Variants in HMCN2 observed in about 807,000 individuals in gnomAD.
The protein encoded by HMCN2 is hemicentin 2.
A neutral mutation model predicts 377.5 loss-of-function variants in HMCN2; 325 were observed. That is an observed-to-expected ratio of 0.86 (90% CI 0.79 to 0.94). The LOEUF is 0.94. Among genes scored for constraint, HMCN2 ranks in the 40% least tolerant of loss-of-function variants. The pLI, the probability that HMCN2 is intolerant of heterozygous loss-of-function variation, is 0.00. For missense variants in HMCN2, 4,543 were observed against 4,725.3 expected (o/e 0.96, Z 1.13); for synonymous variants, 2,007 against 2,046.8 (o/e 0.98, Z 0.53).
At position 130,382,164 on chromosome 9, in the gene HMCN2, T is replaced by C. The variant is rs550404921; in HGVS notation, c.8432-20T>C. The C allele has an allele frequency of 5.6e-5, 55 of 980,574 alleles. No homozygotes were observed. The South Asian group carries it at 2.0e-3, about 36-fold the overall frequency. 60.7% of individuals were successfully genotyped at this position (980,574 alleles called of 1,614,324 possible). ...TGACTCTCGTGCCTGAGCCCAGGCC[T>C]CTGTCCCGTGTCCCTGCAGGAGGCC... On this transcript the variant is annotated intron_variant, in intron 54 of 97. Transcript: ENST00000683500.
In HMCN2 at chr9:130,403,342, G is replaced by T; in HGVS notation, c.12013+14G>T. On this transcript the variant is annotated intron_variant, in intron 79 of 97. Coordinates refer to ENST00000683500, the MANE Select transcript of HMCN2 (RefSeq NM_001291815.2). Reference sequence around the variant, plus strand: ...ACGTCGCTACTGGTGAGGGCCCCTGGCAGCCAGCCTGGGAAGGGAAGAGAA... The same window carrying T: ...ACGTCGCTACTGGTGAGGGCCCCTGTCAGCCAGCCTGGGAAGGGAAGAGAA... 1 of 1,289,736 alleles carries T rather than the reference G, an allele frequency of 7.8e-7. No homozygotes were observed. Among genetic ancestry groups the T allele is most frequent in the Non-Finnish European group, 1.0e-6 (1 of 988,784 alleles). 79.9% of individuals were successfully genotyped at this position (1,289,736 alleles called of 1,614,324 possible).
At chr9:130,322,335 T>TATCC (rs1564783657) in intron 19 of HMCN2, among the ~76,000 whole-genome samples, 1 of 48,824 alleles carries the variant, frequency 2.0e-5, no homozygotes, top group Non-Finnish European at 6.3e-5. Context: ...TCTATCTATC[T>TATCC]ATCTATCCAT....
At chr9:130,349,506 T>C in intron 28 of HMCN2, 31 bp from the exon 29 acceptor site, 1 of 1,300,006 alleles carries the variant, frequency 7.7e-7, no homozygotes, top group Non-Finnish European at 1.0e-6. Flanking sequence ...GTTTGAACAG[T>C]TTCCCACCCC....
rs1336831873 is a variant in HMCN2, at chr9:130,284,605, A to T, written c.262A>T (p.Ile88Phe). The change falls in exon 2 of 98, where the codon ATT becomes TTT. Residue 88 changes from isoleucine (I) to phenylalanine (F), a missense_variant and splice_region_variant. Coordinates refer to ENST00000683500, the MANE Select transcript of HMCN2 (RefSeq NM_001291815.2). ...GCGTCCCTCTCTCTTCTCCACAGAT[A>T]TTGGCCCAGTGACCCTCACGGCGGA... ...YALVPFHDPDIGPVTLTADPT... is the reference protein window; with the variant it reads ...YALVPFHDPDFGPVTLTADPT... The T allele has an allele frequency of 4.2e-6, 2 of 471,052 alleles. No homozygotes were observed. The highest frequency in any genetic ancestry group is 4.0e-5 in the African/African-American group (2 of 50,050). The allele number at this position is 471,052 out of a possible 1,614,324, so 29.2% of individuals were successfully genotyped here.
intron 14 of HMCN2, 33 bp downstream of exon 14, chr9:130,307,599 G>A (rs1032077546): frequency 2.1e-4 from 98 of 471,082 alleles, no homozygotes; most frequent in African/African-American, 1.8e-3. Flanking sequence ...TGAAGGAACA[G>A]CTTTCCAGAA....
At chr9:130,415,334 G>A (rs10901320) in intron 85 of HMCN2, among the ~76,000 whole-genome samples, 57,992 of 152,108 alleles carry the variant, frequency 0.38, 11,447 homozygotes, top group Middle Eastern at 0.49. Context: ...GAGTCATCTG[G>A]TAAGGATTTC....
At chr9:130,283,343 G>T (rs1377079468) in intron 1 of HMCN2, among the ~76,000 whole-genome samples, 1 of 151,898 alleles carries the variant, frequency 6.6e-6, no homozygotes, top group Non-Finnish European at 1.5e-5. Flanking sequence ...GAATCTCCAT[G>T]TACCCATCAC....
chr9:130,281,478 A>G (rs1554925682), intron 1 of HMCN2, among the ~76,000 whole-genome samples: 1 of 151,950 alleles, frequency 6.6e-6, no homozygotes. Context: ...CACCTCTGTA[A>G]TCCCAGCTAC....
chr9:130,393,875 G>A lies in HMCN2; in HGVS notation c.10368G>A (p.Leu3456=). The A allele has an allele frequency of 2.3e-6, 3 of 1,289,714 alleles. No homozygotes were observed. The highest frequency in any genetic ancestry group is 3.0e-6 in the Non-Finnish European group (3 of 988,832). 79.9% of individuals were successfully genotyped at this position (1,289,714 alleles called of 1,614,324 possible). A position where few individuals can be genotyped will look rare whatever the true frequency, so the allele number is the denominator to read the frequency against. Residue 3456 remains leucine, a synonymous_variant, in exon 68 of 98, where the codon TTG becomes TTA. Transcript: ENST00000683500. The surrounding 1 kb of genome is among the most constrained non-coding windows in gnomAD (Gnocchi z 5.2). ...CGTGGATGAAGGATGGGGAACCCTT[G>A]TTGTCCCAGAGCCTCGAGCAGGGGC... ...LVSWMKDGEP[L]LSQSLEQGPS...
chr9:130,395,411 G>A (rs1588388840), intron 71 of HMCN2, 64 bp downstream of exon 71: 1 of 1,210,870 alleles, frequency 8.3e-7, no homozygotes, highest in East Asian at 5.8e-5. Context: ...GACCTGACCT[G>A]GCCGGATCCA....
intron 24 of HMCN2, among the ~76,000 whole-genome samples, chr9:130,341,965 C>T (rs1280962150): frequency 8.6e-5 from 13 of 151,512 alleles, no homozygotes; most frequent in Non-Finnish European, 8.8e-5. Context: ...CGCTTGAGCC[C>T]AGGAGTTCGA....
chr9:130,428,156 C>G lies in HMCN2; in HGVS notation c.14066-202C>G, dbSNP rs1234193151. 6.6e-6 allele frequency among the ~76,000 whole-genome samples: 1 copy of G among 152,172 alleles called. No homozygotes were observed. Among genetic ancestry groups the G allele is most frequent in the Non-Finnish European group, 1.5e-5 (1 of 68,032 alleles). On this transcript the variant is annotated intron_variant, in intron 92 of 97. Coordinates refer to ENST00000683500, the MANE Select transcript of HMCN2 (RefSeq NM_001291815.2). This position sits in a 1 kb window ranked among gnomAD's most constrained non-coding sequence, Gnocchi z 5.0. ...GCATTGGAAGCTGCAGGCCCAAGGA[C>G]TCGGGTCCCTTGGAGTGGGCCCTAT...
At chr9:130,417,529 AAAAAAAAAC>A (rs1216237879) in intron 85 of HMCN2, among the ~76,000 whole-genome samples, 5 of 144,292 alleles carry the variant, frequency 3.5e-5, no homozygotes, top group East Asian at 2.1e-4. Context: ...CTCAAAAAAA[AAAAAAAAAC>A]AAAAAAAAAC....
intron 82 of HMCN2, chr9:130,406,407 A>C: frequency 3.0e-6 from 1 of 337,174 alleles, no homozygotes. Context: ...CAACCCAGAG[A>C]CCTCAGGGCC....
intron 95 of HMCN2, 54 bp from the exon 96 acceptor site, chr9:130,431,313 A>G: frequency 6.6e-7 from 1 of 1,517,576 alleles, no homozygotes; most frequent in Non-Finnish European, 8.9e-7. Context: ...TCTGTGGCTC[A>G]GTGCGTCTCT....
intron 56 of HMCN2, 108 bp downstream of exon 56, chr9:130,382,974 G>A: frequency 1.5e-6 from 1 of 668,280 alleles, no homozygotes; most frequent in Non-Finnish European, 1.9e-6. Flanking sequence ...CTCTTTGCTG[G>A]GAACCATGCT....
chr9:130,270,647 AT>A lies in HMCN2; in HGVS notation c.259+4513del, dbSNP rs201030453. Among the ~76,000 whole-genome samples, 93 of 149,356 alleles carry A rather than the reference AT, an allele frequency of 6.2e-4. 3 individuals are homozygous for A. In the East Asian group the frequency reaches 0.014, roughly 22 times the overall value. Reference sequence around the variant, plus strand: ...CTTGGGTTAATAATTATGTATCAATATTTATTTATTAGTTGTGATAAATGTA... The same window carrying A: ...CTTGGGTTAATAATTATGTATCAATATTATTTATTAGTTGTGATAAATGTA... On this transcript the variant is annotated intron_variant, in intron 1 of 97. Transcript: ENST00000683500.
Position 130,300,483 on chromosome 9 carries a change from T to A in HMCN2, c.1276+1195T>A, listed in dbSNP as rs148614794. 6.6e-5 allele frequency among the ~76,000 whole-genome samples: 10 copies of A among 152,354 alleles called. No individual in the cohort carries two copies. In the East Asian group the frequency reaches 1.9e-3, roughly 29 times the overall value. ...AGTCCTGGGCCAAGCTCCTGCCATG[T>A]GCTAGCTCACTGATGCTTACAGCTT... On this transcript the variant is annotated intron_variant, in intron 8 of 97. Transcript: ENST00000683500.
chr9:130,408,402 T>C (rs1843221685), intron 83 of HMCN2, among the ~76,000 whole-genome samples: 1 of 152,216 alleles, frequency 6.6e-6, no homozygotes, highest in Non-Finnish European at 1.5e-5. Context: ...CCGCTGCTAG[T>C]GTAATCCATC....
Sources: allele counts gnomAD v4.1 joint callset (sites outside exome capture counted in the v4.1 genomes callset), GRCh38; gene constraint gnomAD v4.1.1; non-coding constraint Gnocchi (gnomAD v3.1); transcripts MANE v1.5; gene names NCBI Gene and HGNC (gene_info 2026-07-23, HGNC 2026-07-21).